BANK1: variants seen among roughly 807,000 people sequenced by gnomAD.
BANK1 encodes B cell scaffold protein with ankyrin repeats 1.
Under a neutral mutation model 94.5 loss-of-function variants are expected in BANK1, and 95 were observed. The ratio of observed to expected loss-of-function variants is 1.00; its 90% CI spans 0.85 to 1.19. The LOEUF (loss-of-function observed/expected upper bound fraction) is 1.19, where lower values mean the gene tolerates loss of function less well. BANK1 is among the 50% of genes most tolerant of loss of function. The probability of loss-of-function intolerance (pLI) is 0.00; values close to 1 mark genes in which losing one functional copy is unlikely to be tolerated. For missense variants in BANK1, 987 were observed against 932.2 expected, an observed-to-expected ratio of 1.06 and a Z score of -0.77; for synonymous variants, 334 against 308.4, an observed-to-expected ratio of 1.08 and a Z score of -0.87.
chr4:101,807,263 T>A (rs957838118), intron 1 of BANK1, among the ~76,000 whole-genome samples: 2 of 152,224 alleles, frequency 1.3e-5, no homozygotes, highest in African/African-American at 4.8e-5. Flanking sequence ...ATGTCAGATA[T>A]TTTAAAGGAG....
At chr4:102,003,262 C>T (rs553359559) in intron 7 of BANK1, among the ~76,000 whole-genome samples, 1 of 152,296 alleles carries the variant, frequency 6.6e-6, no homozygotes, top group Non-Finnish European at 1.5e-5. Context: ...CATCCTAAAA[C>T]TCAGTGGATT....
chr4:101,924,879 T>G (rs1021840959), intron 7 of BANK1, among the ~76,000 whole-genome samples: 1 of 151,786 alleles, frequency 6.6e-6, no homozygotes, highest in African/African-American at 2.4e-5. Flanking sequence ...GAGACACACA[T>G]TTTTCATAAT....
intron 5 of BANK1, among the ~76,000 whole-genome samples, chr4:101,878,186 A>G (rs1728558969): frequency 1.3e-5 from 2 of 152,186 alleles, no homozygotes; most frequent in African/African-American, 4.8e-5. Context: ...ACAAAAAAAA[A>G]GACCTAGTGA....
intron 1 of BANK1, among the ~76,000 whole-genome samples, chr4:101,806,762 C>T (rs991693343): frequency 2.0e-5 from 3 of 152,148 alleles, no homozygotes; most frequent in African/African-American, 4.8e-5. Context: ...AGACTAAAGG[C>T]CCCATAATCT....
At chr4:102,016,262 G>A (rs1022014745) in intron 7 of BANK1, among the ~76,000 whole-genome samples, 3 of 152,038 alleles carry the variant, frequency 2.0e-5, no homozygotes, top group Non-Finnish European at 4.4e-5. Flanking sequence ...AATCTATATT[G>A]TTTGTCTTCT....
At position 101,920,138 on chromosome 4, in the gene BANK1, G is replaced by A. The variant is rs145364178; in HGVS notation, c.1206+1949G>A. Among the ~76,000 whole-genome samples the A allele has an allele frequency of 1.2e-3, 177 of 151,920 alleles. 2 individuals are homozygous for A. The East Asian group carries it at 0.028, about 24-fold the overall frequency. ...TCGCAAGGACAAAAAACCAAACACCGCATGTTCTCACCCGTAGGTGGGAAT... is the reference window on the plus strand; with the variant it reads ...TCGCAAGGACAAAAAACCAAACACCACATGTTCTCACCCGTAGGTGGGAAT... On this transcript the variant is annotated intron_variant, in intron 7 of 16. Coordinates refer to ENST00000322953, the MANE Select transcript of BANK1 (RefSeq NM_017935.5).
At chr4:101,998,531 A>G (rs564031959) in intron 7 of BANK1, among the ~76,000 whole-genome samples, 1 of 152,152 alleles carries the variant, frequency 6.6e-6, no homozygotes, top group African/African-American at 2.4e-5. Flanking sequence ...TTTTCCCACT[A>G]TTTTTGTGTG....
intron 7 of BANK1, among the ~76,000 whole-genome samples, chr4:101,969,362 A>G (rs1282753101): frequency 2.6e-5 from 4 of 152,136 alleles, no homozygotes; most frequent in Non-Finnish European, 5.9e-5. Flanking sequence ...GAAAATGCCT[A>G]GGCAACTAAT....
intron 4 of BANK1, among the ~76,000 whole-genome samples, chr4:101,867,431 G>A (rs910206905): frequency 1.3e-5 from 2 of 151,878 alleles, no homozygotes; most frequent in Non-Finnish European, 2.9e-5. Context: ...TGGGAAAGAA[G>A]GGAAATAATG....
At chr4:101,877,871 C>T (rs1247727831) in intron 5 of BANK1, among the ~76,000 whole-genome samples, 1 of 152,078 alleles carries the variant, frequency 6.6e-6, no homozygotes, top group Non-Finnish European at 1.5e-5. Flanking sequence ...GGTGACCAAG[C>T]AAGACTCTGT....
chr4:101,807,546 G>A (rs1725597937), intron 1 of BANK1, among the ~76,000 whole-genome samples: 1 of 152,114 alleles, frequency 6.6e-6, no homozygotes, highest in Non-Finnish European at 1.5e-5. Context: ...ATGTCTCCTG[G>A]AGATTGGATC....
At chr4:101,950,929 C>T (rs1414755180) in intron 7 of BANK1, among the ~76,000 whole-genome samples, 2 of 152,124 alleles carry the variant, frequency 1.3e-5, no homozygotes, top group African/African-American at 4.8e-5. Context: ...TCAGACAATA[C>T]CTGACCAGCA....
At chr4:101,939,170 G>A (rs999793021) in intron 7 of BANK1, among the ~76,000 whole-genome samples, 10 of 151,642 alleles carry the variant, frequency 6.6e-5, no homozygotes, top group African/African-American at 1.9e-4. Context: ...ACTTCTAGAC[G>A]TGTTCCCTTT....
chr4:102,015,180 A>AT (rs779821118), intron 7 of BANK1, among the ~76,000 whole-genome samples: 19 of 152,004 alleles, frequency 1.2e-4, no homozygotes, highest in Non-Finnish European at 2.1e-4. Flanking sequence ...GCTTATTTAA[A>AT]TTTTTTTTAA....
chr4:101,905,177 A>C (rs1390789818), intron 6 of BANK1, among the ~76,000 whole-genome samples: 1 of 149,464 alleles, frequency 6.7e-6, no homozygotes, highest in Non-Finnish European at 1.5e-5. Context: ...TGACTCCTGT[A>C]TGTATTTGTA....
In BANK1 at chr4:101,870,456, G is replaced by A. The variant is rs1407012747; in HGVS notation, c.764-49G>A. The A allele has an allele frequency of 2.0e-6, 3 of 1,507,498 alleles. No individual in the cohort carries two copies. The Admixed American group carries it at 6.5e-5, about 33-fold the overall frequency. 93.4% of individuals were successfully genotyped at this position (1,507,498 alleles called of 1,614,324 possible). A position where few individuals can be genotyped will look rare whatever the true frequency, so the allele number is the denominator to read the frequency against. ...TATTCTCTAAAAGATGTAATAGTAT[G>A]AATATGCATTATATACTCTGCCCCT... On this transcript the variant is annotated intron_variant, in intron 4 of 16. Transcript: ENST00000322953.
chr4:102,030,301 T>G, intron 10 of BANK1, 36 bp downstream of exon 10: 1 of 1,522,770 alleles, frequency 6.6e-7, no homozygotes, highest in Non-Finnish European at 8.8e-7. Context: ...TTGTTAATTT[T>G]TTTTGTCCAA....
At chr4:101,824,870 T>C (rs1726305087) in intron 1 of BANK1, among the ~76,000 whole-genome samples, 1 of 152,170 alleles carries the variant, frequency 6.6e-6, no homozygotes, top group Admixed American at 6.5e-5. Flanking sequence ...TTTTAATATA[T>C]GTTTAGTCTC....
intron 1 of BANK1, among the ~76,000 whole-genome samples, chr4:101,812,730 A>G (rs955333410): frequency 1.3e-5 from 2 of 152,064 alleles, no homozygotes; most frequent in Non-Finnish European, 2.9e-5. Flanking sequence ...ATATTATTAT[A>G]TTGCATACTT....
Sources: allele counts gnomAD v4.1 joint callset (sites outside exome capture counted in the v4.1 genomes callset), GRCh38; gene constraint gnomAD v4.1.1; transcripts MANE v1.5; gene names NCBI Gene and HGNC (gene_info 2026-07-23, HGNC 2026-07-21).